GRIP1: variants seen among roughly 807,000 people sequenced by gnomAD.
GRIP1 encodes glutamate receptor interacting protein 1, also known as glutamate receptor-interacting protein 1.
GRIP1 carries 45 observed loss-of-function variants against 129.9 expected under a neutral mutation model. The ratio of observed to expected loss-of-function variants is 0.35; its 90% CI spans 0.27 to 0.44. The LOEUF is 0.44. GRIP1 is among the 20% of genes least tolerant of loss of function. The pLI is 1.00. For missense variants in GRIP1, 1,196 were observed against 1,396.8 expected, an observed-to-expected ratio of 0.86 and a Z score of 2.29; for synonymous variants, 530 against 520.8, an observed-to-expected ratio of 1.02 and a Z score of -0.24.
chr12:66,485,057 G>T (rs979382632), intron 7 of GRIP1, among the ~76,000 whole-genome samples: 5 of 152,212 alleles, frequency 3.3e-5, no homozygotes, highest in African/African-American at 1.2e-4. Flanking sequence ...GTTTGGAATT[G>T]TTGGGTCACA....
intron 1 of GRIP1, among the ~76,000 whole-genome samples, chr12:66,787,123 C>T (rs1204941099): frequency 3.3e-5 from 5 of 152,194 alleles, no homozygotes. Context: ...CAGCTGAGCC[C>T]AATTACTATC....
intron 2 of GRIP1, among the ~76,000 whole-genome samples, chr12:66,589,650 A>G (rs1351605819): frequency 1.3e-5 from 2 of 152,218 alleles, no homozygotes; most frequent in African/African-American, 4.8e-5. Flanking sequence ...ATAAAATTAC[A>G]GAGAGTAAAG....
intron 13 of GRIP1, among the ~76,000 whole-genome samples, chr12:66,440,377 C>G (rs748941517): frequency 6.6e-6 from 1 of 152,014 alleles, no homozygotes; most frequent in Non-Finnish European, 1.5e-5. Context: ...CTTCAGTCAC[C>G]CTGTTGTGCT....
intron 2 of GRIP1, among the ~76,000 whole-genome samples, chr12:66,563,245 TC>T (rs1233736653): frequency 7.2e-5 from 11 of 152,106 alleles, no homozygotes; most frequent in African/African-American, 2.7e-4. Flanking sequence ...ACACACATAA[TC>T]CAACATCATA....
At chr12:66,810,134 A>G (rs2039074918) in intron 1 of GRIP1, among the ~76,000 whole-genome samples, 1 of 152,196 alleles carries the variant, frequency 6.6e-6, no homozygotes, top group Non-Finnish European at 1.5e-5. Context: ...AGAAAATAAA[A>G]AGGTAGACAG....
At chr12:67,059,098 C>T (rs1264290502) in intron 1 of GRIP1, among the ~76,000 whole-genome samples, 1 of 152,188 alleles carries the variant, frequency 6.6e-6, no homozygotes, top group Non-Finnish European at 1.5e-5. Flanking sequence ...TGGCATTGGA[C>T]CATAGAGTGG....
At chr12:66,867,345 G>C (rs1047336208) in intron 1 of GRIP1, among the ~76,000 whole-genome samples, 2 of 152,084 alleles carry the variant, frequency 1.3e-5, no homozygotes, top group African/African-American at 4.8e-5. Flanking sequence ...AGAAACTGGT[G>C]ACTCTTGACT....
At chr12:66,804,146 ATCT>A in exon 1 of GRIP1, 1 of 455,802 alleles carries the variant, frequency 2.2e-6, no homozygotes, top group South Asian at 1.5e-5. Context: ...CTTCTCCTAG[ATCT>A]TCTTATCGCC....
rs1215356543 is a variant in GRIP1 at position 66,456,238 on chromosome 12, A to G, written c.1147T>C (p.Cys383Arg). The G allele has an allele frequency of 1.6e-6, 2 of 1,289,612 alleles. No homozygotes were observed. Among genetic ancestry groups the G allele is most frequent in the Non-Finnish European group, 2.0e-6 (2 of 988,402 alleles). The allele number at this position is 1,289,612 out of a possible 1,614,324, so 79.9% of individuals were successfully genotyped here. The change falls in exon 10 of 25, where the codon TGC becomes CGC. Residue 383 changes from cysteine to arginine, a missense_variant. Coordinates refer to ENST00000359742, the MANE Select transcript of GRIP1 (RefSeq NM_001366722.1). Reference sequence around the variant, plus strand: ...GGGAATGTCAGGGCTGGTACTCTGCAATGGTCAGGGTGGTACGTGTTATAG... The same window carrying G: ...GGGAATGTCAGGGCTGGTACTCTGCGATGGTCAGGGTGGTACGTGTTATAG... ...HHYNTYHPDH[C>R]RVPALTFPKA...
chr12:66,462,120 C>T (rs2059153746), intron 9 of GRIP1, among the ~76,000 whole-genome samples: 2 of 152,168 alleles, frequency 1.3e-5, no homozygotes, highest in South Asian at 4.1e-4. Context: ...AATACAGATA[C>T]CTTCAGCTGA....
chr12:66,575,281 GCA>G (rs963864497), intron 2 of GRIP1, among the ~76,000 whole-genome samples: 2 of 152,136 alleles, frequency 1.3e-5, no homozygotes, highest in African/African-American at 4.8e-5. Flanking sequence ...TGAGTAGCAA[GCA>G]CAGTTACATC....
chr12:66,520,066 C>T (rs2060955604), intron 5 of GRIP1, among the ~76,000 whole-genome samples: 1 of 152,198 alleles, frequency 6.6e-6, no homozygotes, highest in South Asian at 2.1e-4. Flanking sequence ...TTCCATTCAT[C>T]AGCTAAAAGC....
chr12:66,622,784 T>A (rs2065332563), intron 1 of GRIP1, among the ~76,000 whole-genome samples: 1 of 152,152 alleles, frequency 6.6e-6, no homozygotes, highest in South Asian at 2.1e-4. Flanking sequence ...ATACCTGCCT[T>A]ACTCATACTC....
At chr12:66,728,052 C>T (rs192966835) in intron 1 of GRIP1, among the ~76,000 whole-genome samples, 6 of 152,198 alleles carry the variant, frequency 3.9e-5, no homozygotes, top group Non-Finnish European at 5.9e-5. Flanking sequence ...TAAAAAAGAC[C>T]AGATGCTAGA....
intron 1 of GRIP1, among the ~76,000 whole-genome samples, chr12:66,856,167 A>G (rs989318009): frequency 1.3e-5 from 2 of 152,160 alleles, no homozygotes. Flanking sequence ...CTGGCTAGCC[A>G]TATGTAGAAA....
chr12:66,569,843 G>A (rs2062897585), intron 2 of GRIP1, among the ~76,000 whole-genome samples: 1 of 152,146 alleles, frequency 6.6e-6, no homozygotes, highest in East Asian at 1.9e-4. Context: ...TTATGGGAAA[G>A]TATCAACAGA....
At chr12:67,027,719 G>A (rs1470132910) in intron 1 of GRIP1, among the ~76,000 whole-genome samples, 1 of 152,108 alleles carries the variant, frequency 6.6e-6, no homozygotes, top group African/African-American at 2.4e-5. Flanking sequence ...GAATGTCAAG[G>A]CAATAGAACT....
chr12:67,017,109 C>T (rs1401136745), intron 1 of GRIP1, among the ~76,000 whole-genome samples: 4 of 152,142 alleles, frequency 2.6e-5, no homozygotes, highest in African/African-American at 9.6e-5. Context: ...TAGGAATTTA[C>T]ATTTTAGGAG....
At chr12:66,578,949 T>A (rs1425798646) in intron 2 of GRIP1, among the ~76,000 whole-genome samples, 5 of 152,214 alleles carry the variant, frequency 3.3e-5, no homozygotes, top group African/African-American at 1.2e-4. Flanking sequence ...ACGGGCAGAC[T>A]GCCTCCTCAA....
Sources: allele counts gnomAD v4.1 joint callset (sites outside exome capture counted in the v4.1 genomes callset), GRCh38; gene constraint gnomAD v4.1.1; transcripts MANE v1.5; gene names NCBI Gene and HGNC (gene_info 2026-07-23, HGNC 2026-07-21).